The following LRRIQ1 variants were observed in gnomAD, a reference collection of about 807,000 sequenced individuals.
LRRIQ1 encodes leucine-rich repeat- and IQ domain-containing protein 1.
LRRIQ1 carries 210 observed loss-of-function variants against 211.9 expected under a neutral mutation model. The observed-to-expected ratio is 0.99, with a 90% CI of 0.89 to 1.11. LRRIQ1 has a LOEUF of 1.11. LRRIQ1 is among the 50% of genes most tolerant of loss of function. The pLI is 0.00. For missense variants in LRRIQ1, 2,136 were observed against 1,939.5 expected (o/e 1.10, Z -1.90); for synonymous variants, 699 against 650.1 (o/e 1.08, Z -1.14).
At chr12:85,234,100 G>A (rs963001202) in intron 26 of LRRIQ1, among the ~76,000 whole-genome samples, 2 of 152,000 alleles carry the variant, frequency 1.3e-5, no homozygotes, top group Non-Finnish European at 2.9e-5. Context: ...AGCTGAGCAT[G>A]GGGGTGCACA....
intron 15 of LRRIQ1, among the ~76,000 whole-genome samples, chr12:85,110,957 C>T (rs1324177655): frequency 6.6e-6 from 1 of 152,030 alleles, no homozygotes; most frequent in Non-Finnish European, 1.5e-5. Flanking sequence ...CTGTAATTGT[C>T]ATTCTCATTT....
chr12:85,069,182 C>T (rs1352221133), intron 10 of LRRIQ1, among the ~76,000 whole-genome samples: 1 of 145,778 alleles, frequency 6.9e-6, no homozygotes, highest in Non-Finnish European at 1.5e-5. Flanking sequence ...TGAGTGAGAA[C>T]ATGCGGTGTT....
chr12:85,272,448 A>T, the LRRIQ1 span, among the ~76,000 whole-genome samples: 1 of 152,216 alleles, frequency 6.6e-6, no homozygotes, highest in Non-Finnish European at 1.5e-5. Flanking sequence ...AGTGTAAAAT[A>T]AAAAATTTCA....
chr12:85,227,760 G>A (rs1303674797), intron 24 of LRRIQ1, among the ~76,000 whole-genome samples: 2 of 152,066 alleles, frequency 1.3e-5, no homozygotes, highest in Non-Finnish European at 1.5e-5. Flanking sequence ...CACGCTACCT[G>A]ACTTCAAACT....
At chr12:85,261,553 TA>T (rs1896287050) in intron 1 of LRRIQ1, among the ~76,000 whole-genome samples, 1 of 151,540 alleles carries the variant, frequency 6.6e-6, no homozygotes, top group South Asian at 2.1e-4. Context: ...AAAAACATTC[TA>T]TTTTTTTTTT....
intron 24 of LRRIQ1, among the ~76,000 whole-genome samples, chr12:85,198,681 C>T (rs1893134704): frequency 6.6e-6 from 1 of 151,910 alleles, no homozygotes; most frequent in Non-Finnish European, 1.5e-5. Context: ...CATTCTCCTG[C>T]CTCAGCTTCC....
intron 24 of LRRIQ1, among the ~76,000 whole-genome samples, chr12:85,163,907 G>A (rs1891023827): frequency 6.6e-6 from 1 of 152,048 alleles, no homozygotes; most frequent in African/African-American, 2.4e-5. Flanking sequence ...TCAAGTCTGA[G>A]GAGCCTTTGA....
intron 8 of LRRIQ1, among the ~76,000 whole-genome samples, chr12:85,058,960 G>C (rs1357187206): frequency 1.3e-5 from 2 of 151,960 alleles, no homozygotes; most frequent in African/African-American, 4.8e-5. Flanking sequence ...GCAGTATAAA[G>C]ATGAAAAATA....
intron 19 of LRRIQ1, among the ~76,000 whole-genome samples, chr12:85,146,337 T>G (rs1325402935): frequency 6.6e-6 from 1 of 151,746 alleles, no homozygotes; most frequent in African/African-American, 2.4e-5. Context: ...GGGGAAAATA[T>G]CCACATCTGT....
intron 24 of LRRIQ1, among the ~76,000 whole-genome samples, chr12:85,210,843 T>C (rs1484496225): frequency 6.6e-6 from 1 of 152,198 alleles, no homozygotes; most frequent in African/African-American, 2.4e-5. Flanking sequence ...TGAGGACTAA[T>C]TCACTTGCTG....
intron 24 of LRRIQ1, among the ~76,000 whole-genome samples, chr12:85,216,030 T>C (rs888428606): frequency 1.5e-4 from 23 of 152,168 alleles, no homozygotes; most frequent in Admixed American, 1.1e-3. Flanking sequence ...CTTTTCTTTA[T>C]TGTAATTTTG....
chr12:85,047,366 C>T lies in LRRIQ1; in HGVS notation c.574C>T (p.Gln192Ter). ...EDKEKQTLKAQRDREEKQFQE... is the reference protein window; with the variant it reads ...EDKEKQTLKA ...TAAAGAGAAACAAACTCTCAAAGCT[C>T]AGAGGGATAGAGAAGAAAAACAATT... is the stretch of plus-strand genomic sequence containing the variant. Residue 192 changes from glutamine (Q) to a stop codon, truncating the protein, a stop_gained, in exon 6 of 27, where the codon CAG (glutamine) becomes TAG (stop). Transcript: ENST00000393217. LOFTEE classifies it high-confidence loss of function. 2 of 1,605,960 alleles carry T rather than the reference C, an allele frequency of 1.2e-6. No homozygotes were observed. Among genetic ancestry groups the T allele is most frequent in the Non-Finnish European group, 1.7e-6 (2 of 1,172,962 alleles).
chr12:85,252,680 TA>T lies in LRRIQ1; in HGVS notation c.121+7773del, dbSNP rs143517186. ...CCTGAAATCTCTCTTGAAAAAAAAA[TA>T]ACAACAGTATATGTTTTGAAGAGAA... On this transcript the variant is annotated intron_variant, in intron 1 of 1. Transcript: ENST00000602731. Among the ~76,000 whole-genome samples, 952 of 151,792 alleles carry T rather than the reference TA, an allele frequency of 6.3e-3. 7 individuals are homozygous for T. Among genetic ancestry groups the T allele is most frequent in the African/African-American group, 0.022 (918 of 41,468 alleles).
intron 12 of LRRIQ1, 72 bp from the exon 13 acceptor site, chr12:85,098,795 T>G: frequency 8.7e-7 from 1 of 1,144,084 alleles, no homozygotes; most frequent in Non-Finnish European, 1.2e-6. Context: ...TGGAAGGTTG[T>G]GTATTTTTTA....
intron 24 of LRRIQ1, among the ~76,000 whole-genome samples, chr12:85,226,041 A>C (rs2137157548): frequency 6.6e-6 from 1 of 152,286 alleles, no homozygotes; most frequent in East Asian, 1.9e-4. Context: ...CTTGGGGTTA[A>C]AATGGTTAAT....
intron 17 of LRRIQ1, 138 bp downstream of exon 17, chr12:85,124,657 G>A (rs1046799588): frequency 4.4e-5 from 30 of 674,354 alleles, no homozygotes; most frequent in African/African-American, 2.0e-4. Flanking sequence ...TTATGTTTTC[G>A]TGAGGTGCAT....
intron 7 of LRRIQ1, among the ~76,000 whole-genome samples, chr12:85,054,361 C>G (rs1340030732): frequency 2.0e-5 from 3 of 152,164 alleles, no homozygotes; most frequent in Admixed American, 6.5e-5. Flanking sequence ...AAAAGGAGCA[C>G]AGTAAAACTA....
At chr12:85,248,361 A>G (rs868481759), downstream of LRRIQ1, among the ~76,000 whole-genome samples, 1 of 151,644 alleles carries the variant, frequency 6.6e-6, no homozygotes, top group Non-Finnish European at 1.5e-5. Context: ...TAATTTTTCT[A>G]TGGACTAAAA....
chr12:85,257,322 G>A lies in LRRIQ1; in HGVS notation c.122-5593G>A, dbSNP rs948543605. On this transcript the variant is annotated intron_variant, in intron 1 of 1. Transcript: ENST00000602731. ...TCTTTAATTACAAATATTTGTAGAC[G>A]CTTTGTTGTAAATATAATGAAACTG... 1.2e-4 allele frequency among the ~76,000 whole-genome samples: 18 copies of A among 146,282 alleles called. No individual in the cohort carries two copies. In the East Asian group the frequency reaches 2.6e-3, roughly 21 times the overall value.
Sources: allele counts gnomAD v4.1 joint callset (sites outside exome capture counted in the v4.1 genomes callset), GRCh38; gene constraint gnomAD v4.1.1; transcripts MANE v1.5; gene names NCBI Gene and HGNC (gene_info 2026-07-23, HGNC 2026-07-21).